METRNL: variants seen among roughly 807,000 people sequenced by gnomAD.
METRNL encodes meteorin-like protein.
METRNL carries 9 observed loss-of-function variants against 17.4 expected under a neutral mutation model. The observed-to-expected ratio is 0.52, with a 90% CI of 0.31 to 0.90. The LOEUF is 0.90. Among genes scored for constraint, METRNL ranks in the 40% least tolerant of loss-of-function variants. The probability of loss-of-function intolerance (pLI) is 0.05; values close to 1 mark genes in which losing one functional copy is unlikely to be tolerated. For synonymous variants in METRNL, 215 were observed against 199.3 expected (o/e 1.08, Z -0.66); for missense variants, 408 against 430.7 (o/e 0.95, Z 0.47).
At chr17:83,088,538 C>A (rs971759407) in intron 2 of METRNL, among the ~76,000 whole-genome samples, 1 of 152,148 alleles carries the variant, frequency 6.6e-6, no homozygotes, top group Non-Finnish European at 1.5e-5. Context: ...TGTGTAAGGC[C>A]CCCCAATGCA....
intron 1 of METRNL, among the ~76,000 whole-genome samples, chr17:83,082,565 A>C (rs2038002244): frequency 6.6e-6 from 1 of 152,254 alleles, no homozygotes. Context: ...TGCACGCTTC[A>C]GTTTTATCAC....
intron 1 of METRNL, among the ~76,000 whole-genome samples, chr17:83,081,450 C>A (rs2037987364): frequency 6.6e-6 from 1 of 152,118 alleles, no homozygotes; most frequent in Admixed American, 6.5e-5. Flanking sequence ...TAGGAGGGGG[C>A]GCCTCCCGGA....
At chr17:83,087,248 C>T (rs890270026) in intron 2 of METRNL, among the ~76,000 whole-genome samples, 4 of 152,142 alleles carry the variant, frequency 2.6e-5, no homozygotes, top group Non-Finnish European at 4.4e-5. Context: ...GGTGACCCTG[C>T]GGCATCTGCT....
chr17:83,085,190 G>A lies in METRNL; in HGVS notation c.423G>A (p.Val141=). ...VPDGDGRPGR[V]QCFGLEQGGL... ...ACGGGGACGGCAGGCCCGGCCGGGTGCAGTGTTTTGGCCTGGAGCAGGGCG... is the reference window on the plus strand; with the variant it reads ...ACGGGGACGGCAGGCCCGGCCGGGTACAGTGTTTTGGCCTGGAGCAGGGCG... Residue 141 remains valine (V), a synonymous_variant, in exon 2 of 4, where the codon GTG becomes GTA. Coordinates refer to ENST00000320095, the MANE Select transcript of METRNL (RefSeq NM_001004431.3). 1.2e-6 allele frequency: 2 copies of A among 1,611,138 alleles called. No individual in the cohort carries two copies. Among genetic ancestry groups the A allele is most frequent in the African/African-American group, 1.3e-5 (1 of 75,000 alleles).
intron 2 of METRNL, among the ~76,000 whole-genome samples, chr17:83,087,905 C>T (rs1232770613): frequency 4.6e-5 from 7 of 152,318 alleles, no homozygotes; most frequent in South Asian, 2.1e-4. Context: ...GCTGGAACCC[C>T]GGACAGGAGA....
chr17:83,090,650 G>C (rs564550708), intron 2 of METRNL, among the ~76,000 whole-genome samples: 1 of 150,614 alleles, frequency 6.6e-6, no homozygotes, highest in Non-Finnish European at 1.5e-5. Context: ...TCAGTGAGGG[G>C]ACCCTCGGGT....
At chr17:83,090,614 A>T (rs542201473) in intron 2 of METRNL, among the ~76,000 whole-genome samples, 5 of 146,736 alleles carry the variant, frequency 3.4e-5, no homozygotes, top group African/African-American at 1.3e-4. Flanking sequence ...CCCAGCTGCC[A>T]TGGCTGCCCA....
chr17:83,094,444 T>C lies in METRNL; in HGVS notation c.805T>C (p.Phe269Leu). 1 of 1,597,014 alleles carries C rather than the reference T, an allele frequency of 6.3e-7. No homozygotes were observed. Among genetic ancestry groups the C allele is most frequent in the Non-Finnish European group, 8.6e-7 (1 of 1,167,736 alleles). ...ECGVRPGHGDFLFTGHMHFGE... is the reference protein window; with the variant it reads ...ECGVRPGHGDLLFTGHMHFGE... ...TGGCGTGCGGCCGGGGCATGGCGAC[T>C]TCCTCTTCACTGGCCACATGCACTT... The change falls in exon 4 of 4, where the codon TTC (phenylalanine) becomes CTC (leucine). Residue 269 changes from phenylalanine (F) to leucine (L), a missense_variant. Physicochemically the swap from Phe to Leu is conservative, Grantham distance 22. Coordinates refer to ENST00000320095, the MANE Select transcript of METRNL (RefSeq NM_001004431.3).
chr17:83,080,011 C>T, intron 1 of METRNL, 26 bp downstream of exon 1: 1 of 1,011,230 alleles, frequency 9.9e-7, no homozygotes, highest in Non-Finnish European at 1.2e-6. Context: ...GCGACCCCGG[C>T]CCGGCCCCCT....
At chr17:83,084,720 C>A (rs557209716) in intron 1 of METRNL, 5 of 533,460 alleles carry the variant, frequency 9.4e-6, no homozygotes, top group Non-Finnish European at 1.3e-5. Context: ...GGTGCAGGTG[C>A]ACTGGAAGGA....
chr17:83,085,410 C>T, intron 2 of METRNL, 87 bp downstream of exon 2: 1 of 1,455,792 alleles, frequency 6.9e-7, no homozygotes, highest in South Asian at 1.4e-5. Context: ...CTTCCTGTCC[C>T]CTCGTCTGCT....
Position 83,094,536 on chromosome 17 carries a change from G to A in METRNL, c.897G>A (p.Gln299=). 1 of 1,524,210 alleles carries A rather than the reference G, an allele frequency of 6.6e-7. No individual in the cohort carries two copies. Among genetic ancestry groups the A allele is most frequent in the African/African-American group, 1.4e-5 (1 of 73,114 alleles). 94.4% of individuals were successfully genotyped at this position (1,524,210 alleles called of 1,614,324 possible). A position where few individuals can be genotyped will look rare whatever the true frequency, so the allele number is the denominator to read the frequency against. The change falls in exon 4 of 4, where the codon CAG becomes CAA. Residue 299 remains glutamine, a synonymous_variant. Coordinates refer to ENST00000320095, the MANE Select transcript of METRNL (RefSeq NM_001004431.3). ...TCCAGAGGATGTACAGGGATGCCCAGGAGAGGGGGCTGAACCCTTGTGAGG... is the reference window on the plus strand; with the variant it reads ...TCCAGAGGATGTACAGGGATGCCCAAGAGAGGGGGCTGAACCCTTGTGAGG... ...KDFQRMYRDA[Q]ERGLNPCEVG... is the part of the protein sequence containing the mutation.
chr17:83,090,874 G>A (rs1276191620), intron 2 of METRNL, among the ~76,000 whole-genome samples: 1 of 152,094 alleles, frequency 6.6e-6, no homozygotes, highest in Non-Finnish European at 1.5e-5. Flanking sequence ...GTGGTGGTCT[G>A]TGCTGCTGGC....
At chr17:83,084,713 G>GGAGGGCCTGGGGGC in intron 1 of METRNL, 2 of 582,548 alleles carry the variant, frequency 3.4e-6, no homozygotes, top group Non-Finnish European at 3.0e-6. Context: ...GGCTCTTGGT[G>GGAGGGCCTGGGGGC]CAGGTGCACT....
intron 2 of METRNL, among the ~76,000 whole-genome samples, chr17:83,090,174 CTGCCCCG>C (rs1568338591): frequency 2.8e-5 from 3 of 109,006 alleles, no homozygotes; most frequent in African/African-American, 2.9e-5. Context: ...CCACACACCC[CTGCCCCG>C]CCCCAGGGTG....
chr17:83,086,870 C>T (rs2038058519), intron 2 of METRNL, among the ~76,000 whole-genome samples: 1 of 152,110 alleles, frequency 6.6e-6, no homozygotes, highest in South Asian at 2.1e-4. Flanking sequence ...CTTACGGAGC[C>T]TGTGCCCTCA....
chr17:83,080,795 C>T (rs2037976488), intron 1 of METRNL, among the ~76,000 whole-genome samples: 1 of 150,216 alleles, frequency 6.7e-6, no homozygotes, highest in South Asian at 2.1e-4. Flanking sequence ...CCGAGTGACG[C>T]GCGCCTCCCG....
intron 2 of METRNL, 60 bp from the exon 3 acceptor site, chr17:83,093,107 G>T: frequency 1.4e-6 from 2 of 1,425,576 alleles, no homozygotes; most frequent in Non-Finnish European, 2.0e-6. Context: ...GACGGTGGTG[G>T]GCGGCGTTCC....
intron 1 of METRNL, chr17:83,080,194 G>T: frequency 5.9e-6 from 1 of 169,076 alleles, no homozygotes; most frequent in Non-Finnish European, 1.2e-5. Flanking sequence ...CCGGCCCGGA[G>T]GACGCCCGGG....
Sources: gnomAD v4.1 joint callset for allele counts (sites outside exome capture counted in the v4.1 genomes callset) on GRCh38, gnomAD v4.1.1 for gene constraint, MANE v1.5 for transcripts, NCBI Gene and HGNC (gene_info 2026-07-23, HGNC 2026-07-21) for gene names.